Variants in GSE1 observed in about 807,000 individuals in gnomAD.
GSE1 encodes the protein Gse1 coiled-coil protein.
GSE1 carries 32 observed loss-of-function variants against 112.6 expected under a neutral mutation model. That is an observed-to-expected ratio of 0.28 (90% CI 0.21 to 0.38). GSE1 has a LOEUF of 0.38. Among genes scored for constraint, GSE1 ranks in the 10% least tolerant of loss-of-function variants. The pLI is 1.00. For missense variants in GSE1, 2,348 were observed against 1,699.2 expected (o/e 1.38, Z -6.71); for synonymous variants, 1,115 against 735.6 (o/e 1.52, Z -8.35).
At chr16:85,555,683 C>G (rs1045414890), upstream of GSE1, 3 of 946,192 alleles carry the variant, frequency 3.2e-6, no homozygotes, top group East Asian at 3.5e-4. Context: ...CCGCCCCCCC[C>G]TTCCTTTTTC....
chr16:85,380,266 T>C (rs1045002982), intron 2 of GSE1, among the ~76,000 whole-genome samples: 4 of 152,120 alleles, frequency 2.6e-5, no homozygotes, highest in Non-Finnish European at 5.9e-5. Context: ...AGGCTGTGAC[T>C]TGAAAGATTC....
chr16:85,485,433 G>C (rs929318406), intron 2 of GSE1, among the ~76,000 whole-genome samples: 1 of 152,238 alleles, frequency 6.6e-6, no homozygotes, highest in Admixed American at 6.5e-5. Flanking sequence ...CTTCACTTCT[G>C]CCTTTATTTC....
intron 1 of GSE1, among the ~76,000 whole-genome samples, chr16:85,218,010 C>A (rs146632917): frequency 6.6e-6 from 1 of 152,116 alleles, no homozygotes; most frequent in Non-Finnish European, 1.5e-5. Flanking sequence ...AAGCAATTAT[C>A]GTGCCTCAGC....
At chr16:85,267,306 AC>A (rs11311655) in intron 1 of GSE1, among the ~76,000 whole-genome samples, 4,758 of 152,168 alleles carry the variant, frequency 0.031, 220 homozygotes, top group African/African-American at 0.11. Context: ...ATTTTCCGAA[AC>A]CATAAAAACC....
At chr16:85,408,160 C>T (rs538545918) in intron 2 of GSE1, among the ~76,000 whole-genome samples, 3 of 35,736 alleles carry the variant, frequency 8.4e-5, no homozygotes, top group Admixed American at 2.1e-4. Context: ...ACACTCAGGG[C>T]CCCCCGGATA....
At chr16:85,418,904 G>C (rs1005252139) in intron 2 of GSE1, among the ~76,000 whole-genome samples, 1 of 152,132 alleles carries the variant, frequency 6.6e-6, no homozygotes, top group Non-Finnish European at 1.5e-5. Context: ...GAGAACCTTA[G>C]AACATCTCCA....
intron 1 of GSE1, among the ~76,000 whole-genome samples, chr16:85,305,477 T>G (rs76370446): frequency 1.1e-4 from 16 of 151,602 alleles, no homozygotes; most frequent in Non-Finnish European, 8.8e-5. Flanking sequence ...TTTTTTTTTT[T>G]TTGTTTGTTT....
chr16:85,408,182 TACACTCA>T (rs1244514469), intron 2 of GSE1, among the ~76,000 whole-genome samples: 7 of 33,568 alleles, frequency 2.1e-4, no homozygotes, highest in African/African-American at 1.1e-3. Context: ...TCCTCACTGT[TACACTCA>T]GGCCCCCCTG....
At chr16:85,304,609 T>TGGGGGGGGGGGGGGGG (rs34644508) in intron 1 of GSE1, among the ~76,000 whole-genome samples, 2 of 110,940 alleles carry the variant, frequency 1.8e-5, no homozygotes, top group Non-Finnish European at 3.7e-5. Flanking sequence ...GGCGGGGGGG[T>TGGGGGGGGGGGGGGGG]GGGGCATCCC....
At chr16:85,608,455 A>G (rs1221412582), upstream of GSE1, among the ~76,000 whole-genome samples, 1 of 142,290 alleles carries the variant, frequency 7.0e-6, no homozygotes, top group African/African-American at 2.7e-5. Flanking sequence ...CCGGCCCCCA[A>G]CCAAAATGGT....
intron 1 of GSE1, among the ~76,000 whole-genome samples, chr16:85,354,558 C>T (rs953512749): frequency 6.6e-6 from 1 of 152,232 alleles, no homozygotes; most frequent in African/African-American, 2.4e-5. Flanking sequence ...CCAGGAGGGG[C>T]CTCTCAGCTT....
chr16:85,258,870 A>G (rs9922374), intron 1 of GSE1, among the ~76,000 whole-genome samples: 93,139 of 152,042 alleles, frequency 0.61, 30,811 homozygotes, highest in African/African-American at 0.87. Flanking sequence ...TGTTCTGCCC[A>G]TTGTTCTGCC....
intron 2 of GSE1, among the ~76,000 whole-genome samples, chr16:85,387,571 C>G (rs76080081): frequency 0.013 from 1,960 of 152,384 alleles, 22 homozygotes; most frequent in African/African-American, 0.032. Context: ...GGTGGCCCCT[C>G]TCCTCCAGGA....
At chr16:85,567,195 G>C (rs551750394) in intron 1 of GSE1, among the ~76,000 whole-genome samples, 7 of 152,142 alleles carry the variant, frequency 4.6e-5, no homozygotes, top group Admixed American at 3.3e-4. Flanking sequence ...CAACCGTTGC[G>C]GGGGAGGGGA....
rs1270721098 is a variant in GSE1, at chr16:85,274,473, G to A, written c.2284-82990G>A. 4.0e-5 allele frequency among the ~76,000 whole-genome samples: 6 copies of A among 150,976 alleles called. No individual in the cohort carries two copies. In the South Asian group the frequency reaches 1.3e-3, roughly 32 times the overall value. On this transcript the variant is annotated intron_variant, in intron 1 of 2. Transcript: ENST00000637419. ...ATCGAGCACTCGGCCAGATGGCTTTGGTGGCTCTCCTAAAACCTGGCTCAG... is the reference window on the plus strand; with the variant it reads ...ATCGAGCACTCGGCCAGATGGCTTTAGTGGCTCTCCTAAAACCTGGCTCAG...
intron 1 of GSE1, among the ~76,000 whole-genome samples, chr16:85,310,122 G>C (rs2045795880): frequency 6.6e-6 from 1 of 152,180 alleles, no homozygotes; most frequent in Non-Finnish European, 1.5e-5. Context: ...GCTAGGGCTA[G>C]GGGCACCACG....
intron 2 of GSE1, among the ~76,000 whole-genome samples, chr16:85,370,800 C>G (rs1406422546): frequency 6.6e-6 from 1 of 152,210 alleles, no homozygotes; most frequent in Non-Finnish European, 1.5e-5. Flanking sequence ...GGCGGGATAT[C>G]ACTCTGTGTG....
At chr16:85,566,032 C>T (rs1598206063) in intron 1 of GSE1, among the ~76,000 whole-genome samples, 2 of 152,156 alleles carry the variant, frequency 1.3e-5, no homozygotes, top group East Asian at 3.9e-4. Context: ...TCTGTTTTCT[C>T]ATCTGCTAAA....
chr16:85,401,089 A>T (rs1006057958), intron 2 of GSE1, among the ~76,000 whole-genome samples: 1 of 152,058 alleles, frequency 6.6e-6, no homozygotes, highest in Non-Finnish European at 1.5e-5. Flanking sequence ...ATCAGCGGAT[A>T]TGGTGCTGGG....
Sources: allele counts gnomAD v4.1 joint callset (sites outside exome capture counted in the v4.1 genomes callset), GRCh38; gene constraint gnomAD v4.1.1; transcripts MANE v1.5; gene names NCBI Gene and HGNC (gene_info 2026-07-23, HGNC 2026-07-21).